The following GATAD2A variants were observed in gnomAD, a reference collection of about 807,000 sequenced individuals.
GATAD2A encodes the protein GATA zinc finger domain containing 2A.
In GATAD2A, 12 loss-of-function variants were observed where a neutral mutation model predicts 68.5. That is an observed-to-expected ratio of 0.18 (90% CI 0.11 to 0.28). The LOEUF is 0.28. GATAD2A is among the 10% of genes least tolerant of loss of function. The pLI is 1.00. For synonymous variants in GATAD2A, 410 were observed against 375.3 expected (o/e 1.09, Z -1.07); for missense variants, 755 against 868.5 (o/e 0.87, Z 1.64).
Position 19,388,281 on chromosome 19 carries a change from T to C in GATAD2A, c.-7+2143T>C, listed in dbSNP as rs369077231. 3.3e-5 allele frequency among the ~76,000 whole-genome samples: 5 copies of C among 152,192 alleles called. 1 individual carries two copies. Among genetic ancestry groups the C allele is most frequent in the African/African-American group, 1.2e-4 (5 of 41,516 alleles). ...CATGTGGGTCAGGGTGGTCTCGAAC[T>C]CCCAACCTCAGGTGATCCGCCGGCC... On this transcript the variant is annotated intron_variant, in intron 1 of 11. Coordinates refer to the GATAD2A transcript ENST00000360315.
chr19:19,414,293 T>C (rs1427732120), intron 1 of GATAD2A, among the ~76,000 whole-genome samples: 2 of 152,190 alleles, frequency 1.3e-5, no homozygotes, highest in African/African-American at 4.8e-5. Context: ...TACTGTGCTC[T>C]GCTGAACCCA....
chr19:19,443,953 A>G (rs369596104), intron 1 of GATAD2A, among the ~76,000 whole-genome samples: 1 of 151,680 alleles, frequency 6.6e-6, no homozygotes, highest in African/African-American at 2.4e-5. Context: ...TCTCTTACAC[A>G]CTCTTATTTT....
intron 2 of GATAD2A, among the ~76,000 whole-genome samples, chr19:19,475,957 A>G (rs1219926995): frequency 6.6e-6 from 1 of 152,242 alleles, no homozygotes; most frequent in Non-Finnish European, 1.5e-5. Context: ...TGAGGGCCGT[A>G]GCATGAGCCG....
intron 2 of GATAD2A, among the ~76,000 whole-genome samples, chr19:19,467,863 G>A (rs1026921518): frequency 1.3e-5 from 2 of 152,316 alleles, no homozygotes; most frequent in East Asian, 3.9e-4. Context: ...GCATGCAGAG[G>A]CAGATACAGT....
At chr19:19,420,005 CTTTTT>C (rs397859927) in intron 1 of GATAD2A, among the ~76,000 whole-genome samples, 1 of 68,712 alleles carries the variant, frequency 1.5e-5, no homozygotes, top group East Asian at 4.1e-4. Context: ...ACCATCTTGA[CTTTTT>C]TTTTTTTTTT....
intron 1 of GATAD2A, among the ~76,000 whole-genome samples, chr19:19,420,357 G>C (rs1478723652): frequency 8.6e-6 from 1 of 115,836 alleles, no homozygotes; most frequent in Non-Finnish European, 1.8e-5. Context: ...TTTGATACGG[G>C]GTCTCGCTCT....
chr19:19,484,100 A>T (rs1240634154), intron 2 of GATAD2A, among the ~76,000 whole-genome samples: 1 of 152,072 alleles, frequency 6.6e-6, no homozygotes, highest in East Asian at 1.9e-4. Flanking sequence ...ATTGTATGTC[A>T]GCACACCCAC....
intron 8 of GATAD2A, 60 bp from the exon 9 acceptor site, chr19:19,501,058 G>T: frequency 6.7e-7 from 1 of 1,481,750 alleles, no homozygotes; most frequent in Non-Finnish European, 9.2e-7. Flanking sequence ...GCTGGGGGCG[G>T]CCAGGGCCCT....
At chr19:19,444,928 A>C (rs1222539844) in intron 1 of GATAD2A, among the ~76,000 whole-genome samples, 1 of 149,930 alleles carries the variant, frequency 6.7e-6, no homozygotes, top group East Asian at 2.0e-4. Context: ...GATTTTAGGC[A>C]GTGTAGGGCC....
At chr19:19,489,757 T>A (rs919251521) in intron 2 of GATAD2A, among the ~76,000 whole-genome samples, 4 of 152,266 alleles carry the variant, frequency 2.6e-5, no homozygotes, top group Admixed American at 6.5e-5. Flanking sequence ...AGAGCTTGGC[T>A]GTCATTTCAT....
At chr19:19,449,806 T>C (rs1302934204) in intron 1 of GATAD2A, among the ~76,000 whole-genome samples, 1 of 152,216 alleles carries the variant, frequency 6.6e-6, no homozygotes, top group Non-Finnish European at 1.5e-5. Flanking sequence ...AAAAACTTAA[T>C]AAATTGATTT....
intron 1 of GATAD2A, among the ~76,000 whole-genome samples, chr19:19,442,061 A>G (rs565511604): frequency 6.7e-6 from 1 of 148,998 alleles, no homozygotes; most frequent in South Asian, 2.1e-4. Context: ...GAGTTTCTCC[A>G]TGTTGGTCAG....
At chr19:19,438,889 T>C (rs2054667292) in intron 1 of GATAD2A, among the ~76,000 whole-genome samples, 1 of 152,286 alleles carries the variant, frequency 6.6e-6, no homozygotes, top group Non-Finnish European at 1.5e-5. Flanking sequence ...TGTGCACTTT[T>C]TGTTGTGGGT....
At chr19:19,409,089 G>A (rs1403351656) in intron 1 of GATAD2A, among the ~76,000 whole-genome samples, 1 of 138,894 alleles carries the variant, frequency 7.2e-6, no homozygotes, top group Non-Finnish European at 1.5e-5. Flanking sequence ...TTGGATATAT[G>A]AATTCCCAAC....
At chr19:19,428,970 T>C (rs372137340) in intron 1 of GATAD2A, among the ~76,000 whole-genome samples, 11 of 151,890 alleles carry the variant, frequency 7.2e-5, no homozygotes, top group African/African-American at 2.4e-4. Flanking sequence ...CCATGTGGCT[T>C]CTTCCTGGCA....
chr19:19,415,618 ATTTTTT>A (rs71170682), intron 1 of GATAD2A, among the ~76,000 whole-genome samples: 4 of 118,056 alleles, frequency 3.4e-5, no homozygotes, highest in African/African-American at 1.4e-4. Flanking sequence ...CCGGGCTAAT[ATTTTTT>A]TTTTTTTTTT....
intron 1 of GATAD2A, among the ~76,000 whole-genome samples, chr19:19,412,911 T>A (rs758839816): frequency 5.3e-5 from 8 of 152,220 alleles, no homozygotes; most frequent in Non-Finnish European, 1.0e-4. Context: ...ATGTTGGGTT[T>A]ATCAGAGGTA....
intron 1 of GATAD2A, among the ~76,000 whole-genome samples, chr19:19,411,424 G>A (rs1303234148): frequency 1.3e-5 from 2 of 152,170 alleles, no homozygotes; most frequent in Non-Finnish European, 2.9e-5. Flanking sequence ...TGTCATGGGA[G>A]CCTTCCTTAG....
intron 1 of GATAD2A, among the ~76,000 whole-genome samples, chr19:19,419,286 G>T (rs1308359302): frequency 6.6e-6 from 1 of 152,172 alleles, no homozygotes; most frequent in Admixed American, 6.5e-5. Flanking sequence ...TATGACCCAG[G>T]CCGGGTAGTA....
Sources: allele counts gnomAD v4.1 joint callset (sites outside exome capture counted in the v4.1 genomes callset), GRCh38; gene constraint gnomAD v4.1.1; transcripts MANE v1.5; gene names NCBI Gene and HGNC (gene_info 2026-07-23, HGNC 2026-07-21).